Variants in MSRB3 observed in about 807,000 individuals in gnomAD.
MSRB3 encodes methionine sulfoxide reductase B3, also known as methionine-R-sulfoxide reductase B3.
MSRB3 carries 13 observed loss-of-function variants against 21.0 expected under a neutral mutation model. The observed-to-expected ratio is 0.62, with a 90% CI of 0.40 to 0.98. The LOEUF (loss-of-function observed/expected upper bound fraction) is 0.98. Ranked by LOEUF, MSRB3 falls within the 50% of genes least tolerant of loss-of-function variation. The probability of loss-of-function intolerance (pLI) is 0.00; values close to 1 mark genes in which losing one functional copy is unlikely to be tolerated. For synonymous variants in MSRB3, 87 were observed against 88.6 expected, an observed-to-expected ratio of 0.98 and a Z score of 0.10; for missense variants, 199 against 230.3, an observed-to-expected ratio of 0.86 and a Z score of 0.88.
chr12:65,307,684 T>C (rs1213742111), intron 1 of MSRB3, among the ~76,000 whole-genome samples: 1 of 152,056 alleles, frequency 6.6e-6, no homozygotes, highest in African/African-American at 2.4e-5. Flanking sequence ...TTCTCTAAAG[T>C]TTAATATCTA....
intron 5 of MSRB3, among the ~76,000 whole-genome samples, chr12:65,418,075 C>T (rs543062771): frequency 6.6e-6 from 1 of 152,254 alleles, no homozygotes; most frequent in South Asian, 2.1e-4. Context: ...ACATTCTCCC[C>T]AACAGTGTAC....
At chr12:65,393,165 A>T (rs1432278849) in intron 5 of MSRB3, among the ~76,000 whole-genome samples, 1 of 151,354 alleles carries the variant, frequency 6.6e-6, no homozygotes, top group Non-Finnish European at 1.5e-5. Flanking sequence ...TTTATGTTGT[A>T]TGCATTTACC....
At chr12:65,389,279 A>G (rs1429287176) in intron 5 of MSRB3, among the ~76,000 whole-genome samples, 1 of 152,056 alleles carries the variant, frequency 6.6e-6, no homozygotes, top group Non-Finnish European at 1.5e-5. Context: ...TCCATTGTAA[A>G]TACATTCTTT....
chr12:65,353,886 G>A (rs1592556883), intron 4 of MSRB3, among the ~76,000 whole-genome samples: 1 of 151,978 alleles, frequency 6.6e-6, no homozygotes, highest in Non-Finnish European at 1.5e-5. Flanking sequence ...TTCATGTTTA[G>A]TGCTTCCTTC....
chr12:65,304,251 A>G (rs932630763), intron 1 of MSRB3, among the ~76,000 whole-genome samples: 30 of 151,898 alleles, frequency 2.0e-4, no homozygotes, highest in Admixed American at 3.3e-4. Context: ...AGGAGCGGCT[A>G]TATTATGTTT....
chr12:65,448,938 C>T (rs1022377939), intron 5 of MSRB3, among the ~76,000 whole-genome samples: 10 of 152,144 alleles, frequency 6.6e-5, no homozygotes, highest in Non-Finnish European at 1.3e-4. Context: ...TTTTGGAAGA[C>T]TATATTGCAA....
intron 4 of MSRB3, among the ~76,000 whole-genome samples, chr12:65,363,724 A>T (rs979323658): frequency 1.3e-5 from 2 of 152,058 alleles, no homozygotes; most frequent in African/African-American, 4.8e-5. Context: ...GGTGGCTCAC[A>T]CCTGTAATCC....
intron 4 of MSRB3, among the ~76,000 whole-genome samples, chr12:65,350,585 C>T (rs1359989078): frequency 1.3e-5 from 2 of 150,646 alleles, no homozygotes; most frequent in Admixed American, 6.6e-5. Flanking sequence ...TGCAGAGACA[C>T]ACATAGGCTC....
intron 1 of MSRB3, among the ~76,000 whole-genome samples, chr12:65,288,948 A>G (rs955940844): frequency 6.6e-5 from 10 of 152,364 alleles, no homozygotes; most frequent in Admixed American, 2.0e-4. Context: ...TACACAAAAA[A>G]GAATATATAG....
chr12:65,343,266 AGTT>A, intron 4 of MSRB3, among the ~76,000 whole-genome samples: 1 of 152,162 alleles, frequency 6.6e-6, no homozygotes, highest in Middle Eastern at 3.4e-3. Flanking sequence ...ATCTCTTCTA[AGTT>A]GTTGCTGCTT....
chr12:65,431,317 C>T (rs777222852), intron 5 of MSRB3, among the ~76,000 whole-genome samples: 37 of 151,966 alleles, frequency 2.4e-4, no homozygotes, highest in Non-Finnish European at 4.6e-4. Flanking sequence ...CAGAAATTTT[C>T]TTAAACTTTT....
At chr12:65,318,952 C>G (rs1023220521) in intron 2 of MSRB3, among the ~76,000 whole-genome samples, 1 of 152,114 alleles carries the variant, frequency 6.6e-6, no homozygotes, top group Non-Finnish European at 1.5e-5. Flanking sequence ...TTCTATCGTA[C>G]AGTCATTCGG....
chr12:65,420,373 G>T (rs1347679581), intron 5 of MSRB3, among the ~76,000 whole-genome samples: 1 of 151,158 alleles, frequency 6.6e-6, no homozygotes, highest in Non-Finnish European at 1.5e-5. Flanking sequence ...GGCTATATGG[G>T]AGTCACTTGT....
rs1871798982 is a variant in MSRB3 at position 65,278,692 on chromosome 12, G to A, written c.-225G>A. The A allele has an allele frequency of 1.2e-5, 16 of 1,305,938 alleles. No homozygotes were observed. Among genetic ancestry groups the A allele is most frequent in the Non-Finnish European group, 1.6e-5 (15 of 935,278 alleles). 80.9% of individuals were successfully genotyped at this position (1,305,938 alleles called of 1,614,324 possible). ...CCAGGAATTTCCCGTCATGCCTCCC[G>A]CCGCCCCGTCCGTCGCCCGGAGCCG... On this transcript the variant is annotated 5_prime_UTR_variant, in exon 1 of 7. Coordinates refer to ENST00000308259, the MANE Select transcript of MSRB3 (RefSeq NM_001031679.3).
intron 5 of MSRB3, among the ~76,000 whole-genome samples, chr12:65,370,220 A>T (rs1052660479): frequency 1.3e-5 from 2 of 152,222 alleles, no homozygotes; most frequent in African/African-American, 4.8e-5. Flanking sequence ...CATTGTGTCA[A>T]CTGTTTGACT....
chr12:65,449,440 A>G (rs1358679801), intron 5 of MSRB3, among the ~76,000 whole-genome samples: 2 of 152,132 alleles, frequency 1.3e-5, no homozygotes, highest in Non-Finnish European at 2.9e-5. Context: ...TCCAGCTACA[A>G]ATAATCTGAA....
intron 5 of MSRB3, among the ~76,000 whole-genome samples, chr12:65,372,890 C>T (rs962322777): frequency 6.6e-6 from 1 of 152,202 alleles, no homozygotes; most frequent in African/African-American, 2.4e-5. Context: ...TTAACATGCA[C>T]AGGATTGAAG....
intron 5 of MSRB3, among the ~76,000 whole-genome samples, chr12:65,433,558 A>G (rs1881981708): frequency 6.6e-6 from 1 of 151,860 alleles, no homozygotes; most frequent in Non-Finnish European, 1.5e-5. Flanking sequence ...ACCATGGCCC[A>G]CAGACCTGGG....
chr12:65,318,699 A>C (rs1874469065), intron 2 of MSRB3, among the ~76,000 whole-genome samples: 1 of 152,214 alleles, frequency 6.6e-6, no homozygotes, highest in South Asian at 2.1e-4. Flanking sequence ...TACGCCTTGC[A>C]AGCAAGAAAA....
Sources: gnomAD v4.1 joint callset for allele counts (sites outside exome capture counted in the v4.1 genomes callset) on GRCh38, gnomAD v4.1.1 for gene constraint, MANE v1.5 for transcripts, NCBI Gene and HGNC (gene_info 2026-07-23, HGNC 2026-07-21) for gene names.